Variants in CCNI observed in about 807,000 individuals in gnomAD.
CCNI encodes the protein cyclin I, also known as cyclin-I.
A neutral mutation model predicts 34.1 loss-of-function variants in CCNI; 14 were observed. The ratio of observed to expected loss-of-function variants is 0.41; its 90% CI spans 0.27 to 0.64. The LOEUF is 0.64. Among genes scored for constraint, CCNI ranks in the 30% least tolerant of loss-of-function variants. The pLI is 0.31. For missense variants in CCNI, 385 were observed against 440.5 expected (o/e 0.87, Z 1.13); for synonymous variants, 154 against 158.4 (o/e 0.97, Z 0.21).
At chr4:77,059,539 T>A (rs1490784137) in intron 2 of CCNI, among the ~76,000 whole-genome samples, 1 of 151,994 alleles carries the variant, frequency 6.6e-6, no homozygotes, top group Non-Finnish European at 1.5e-5. Context: ...GATTTCCTGT[T>A]CAATATTTTT....
intron 1 of CCNI, among the ~76,000 whole-genome samples, chr4:77,067,948 C>A (rs1254421305): frequency 6.6e-6 from 1 of 151,720 alleles, no homozygotes; most frequent in Non-Finnish European, 1.5e-5. Context: ...GAGGTGGAGG[C>A]GGGCAGATCA....
rs903125353 is a variant in CCNI, at chr4:77,075,556, T to G, written c.-128A>C. The G allele has an allele frequency of 2.0e-6, 2 of 988,504 alleles. No individual in the cohort carries two copies. The highest frequency in any genetic ancestry group is 2.4e-6 in the Non-Finnish European group (2 of 830,718). 61.2% of individuals were successfully genotyped at this position (988,504 alleles called of 1,614,324 possible). ...GACGCGGGGTCATCCGGGGGCCCGT[T>G]ACCACCTCATTCTCATAGGCGCGCG... On this transcript the variant is annotated 5_prime_UTR_variant, in exon 1 of 7. It removes the in-frame stop codon of an upstream open reading frame in the 5' UTR. Transcript: ENST00000237654.
intron 3 of CCNI, among the ~76,000 whole-genome samples, chr4:77,056,766 T>G (rs922607046): frequency 3.3e-5 from 5 of 151,998 alleles, no homozygotes; most frequent in African/African-American, 1.2e-4. Context: ...TTTTTTTTTG[T>G]ATTTTTAGTA....
chr4:77,048,962 G>GTTTTTTTTT (rs538284505), intron 6 of CCNI, among the ~76,000 whole-genome samples: 28 of 47,654 alleles, frequency 5.9e-4, no homozygotes, highest in Non-Finnish European at 1.2e-3. Context: ...TCCAACGTCT[G>GTTTTTTTTT]TTTTTTTTTT....
intron 2 of CCNI, chr4:77,064,662 G>C (rs530655899): frequency 6.7e-6 from 1 of 149,672 alleles, no homozygotes; most frequent in East Asian, 2.0e-4. Flanking sequence ...GAAAAGGATC[G>C]AATTATAATT....
Position 77,047,404 on chromosome 4 carries a change from T to C in CCNI, c.*815A>G, listed in dbSNP as rs946485453. 3 of 152,206 alleles carry C rather than the reference T, an allele frequency of 2.0e-5. No individual in the cohort carries two copies. Among genetic ancestry groups the C allele is most frequent in the Non-Finnish European group, 2.9e-5 (2 of 68,038 alleles). 9.4% of individuals were successfully genotyped at this position (152,206 alleles called of 1,614,324 possible). On this transcript the variant is annotated 3_prime_UTR_variant, in exon 7 of 7. Coordinates refer to ENST00000237654, the MANE Select transcript of CCNI (RefSeq NM_006835.3). ...GCTGCCCCAACATCTAGACAGTCTCTCCTACTGATTATAAATGAGTGAAAA... is the reference window on the plus strand; with the variant it reads ...GCTGCCCCAACATCTAGACAGTCTCCCCTACTGATTATAAATGAGTGAAAA...
At chr4:77,062,361 G>C (rs1161219794) in intron 2 of CCNI, among the ~76,000 whole-genome samples, 1 of 152,176 alleles carries the variant, frequency 6.6e-6, no homozygotes, top group Non-Finnish European at 1.5e-5. Flanking sequence ...GAGCCCAGGA[G>C]TTTGAAACTA....
At chr4:77,066,113 CAGGG>C in intron 2 of CCNI, 132 bp downstream of exon 2, 3 of 695,906 alleles carry the variant, frequency 4.3e-6, no homozygotes, top group Non-Finnish European at 7.1e-6. Context: ...AAAAAAGAAA[CAGGG>C]AGAGTCTCTC....
intron 6 of CCNI, among the ~76,000 whole-genome samples, chr4:77,053,107 A>G (rs1448385358): frequency 3.3e-5 from 5 of 152,200 alleles, no homozygotes; most frequent in Admixed American, 3.3e-4. Context: ...GGAAAACGCT[A>G]TGTTGAGTGG....
At chr4:77,050,954 C>A (rs907106938) in intron 6 of CCNI, among the ~76,000 whole-genome samples, 1 of 152,044 alleles carries the variant, frequency 6.6e-6, no homozygotes, top group Non-Finnish European at 1.5e-5. Context: ...GTTCTAGGAT[C>A]CCCCAAAAGA....
chr4:77,055,520 T>C (rs1214057993), intron 5 of CCNI, 140 bp from the exon 6 acceptor site: 1 of 626,346 alleles, frequency 1.6e-6, no homozygotes, highest in Non-Finnish European at 2.8e-6. Context: ...TGGAGTGCAG[T>C]AGCATGATCT....
At position 77,066,338 on chromosome 4, in the gene CCNI, T is replaced by A. The variant is rs373733359; in HGVS notation, c.25A>T (p.Asn9Tyr). ...TCCAACAGGAAAGACAATCTCTGGT[T>A]TTCCAAAGGCCCTGGAAACTTCATG... MKFPGPLE[N>Y]QRLSFLLEKA... Residue 9 changes from asparagine (N) to tyrosine (Y), a missense_variant, in exon 2 of 7, where the codon AAC becomes TAC. Asn to Tyr is a moderately radical substitution (Grantham distance 143, BLOSUM62 -2). This residue lies in a region of CCNI where 135 missense variants were observed against 191.8 expected (regional missense o/e 0.70). Coordinates refer to ENST00000237654, the MANE Select transcript of CCNI (RefSeq NM_006835.3). 6.2e-7 allele frequency: 1 copy of A among 1,614,014 alleles called. No homozygotes were observed. The highest frequency in any genetic ancestry group is 1.7e-5 in the Admixed American group (1 of 60,022).
In CCNI at chr4:77,075,485, T is replaced by A. The variant is rs953227581; in HGVS notation, c.-57A>T. The stretch of plus-strand genomic sequence containing the variant: ...CCCGCCCCTCACCTTCTCCTCCTCT[T>A]CCTCCTCCTCCTCCTCCCCGGCAGA... On this transcript the variant is annotated 5_prime_UTR_variant, in exon 1 of 7. Transcript: ENST00000237654. The A allele has an allele frequency of 2.5e-6, 2 of 811,918 alleles. No individual in the cohort carries two copies. The highest frequency in any genetic ancestry group is 3.8e-5 in the African/African-American group (2 of 53,234). The allele number at this position is 811,918 out of a possible 1,614,324, so 50.3% of individuals were successfully genotyped here. A position where few individuals can be genotyped will look rare whatever the true frequency, so the allele number is the denominator to read the frequency against.
At position 77,055,376 on chromosome 4, in the gene CCNI, T is replaced by G. The variant is rs760622171; in HGVS notation, c.464A>C (p.His155Pro). ...ATPLDFLHIF[H>P]AIAVSTRPQL... Reference sequence around the variant, plus strand: ...AGGCCTAGTTGACACTGCAATGGCATGGAACTGAAAATCACAAGAACATCA... The same window carrying G: ...AGGCCTAGTTGACACTGCAATGGCAGGGAACTGAAAATCACAAGAACATCA... Residue 155 changes from histidine to proline, a missense_variant, in exon 6 of 7, where the codon CAT becomes CCT. Around this residue, in one of 2 missense-constraint regions of CCNI, gnomAD observed 135 missense variants for 191.8 expected, o/e 0.70. Coordinates refer to ENST00000237654, the MANE Select transcript of CCNI (RefSeq NM_006835.3). 2 of 1,605,212 alleles carry G rather than the reference T, an allele frequency of 1.2e-6. No individual in the cohort carries two copies. Among genetic ancestry groups the G allele is most frequent in the South Asian group, 2.2e-5 (2 of 90,656 alleles).
At chr4:77,069,095 G>A (rs1453810536) in intron 1 of CCNI, among the ~76,000 whole-genome samples, 1 of 152,176 alleles carries the variant, frequency 6.6e-6, no homozygotes, top group African/African-American at 2.4e-5. Flanking sequence ...ATGTCATAAA[G>A]CAGCTTTCTG....
At chr4:77,065,583 T>TA (rs1262984013) in intron 2 of CCNI, among the ~76,000 whole-genome samples, 1 of 152,234 alleles carries the variant, frequency 6.6e-6, no homozygotes, top group Non-Finnish European at 1.5e-5. Flanking sequence ...AGTAGGTTTT[T>TA]AGTTGACTAA....
intron 1 of CCNI, among the ~76,000 whole-genome samples, chr4:77,073,979 G>A (rs866183170): frequency 1.3e-5 from 2 of 149,178 alleles, no homozygotes; most frequent in Admixed American, 6.8e-5. Context: ...ACAATTTGAT[G>A]AAACTGTGGA....
chr4:77,056,504 A>AGG (rs1578238313), intron 3 of CCNI, 181 bp from the exon 4 acceptor site: 2 of 581,744 alleles, frequency 3.4e-6, no homozygotes, highest in East Asian at 5.6e-5. Context: ...TAAGAACAGG[A>AGG]AAGAAAGTTT....
chr4:77,056,530 A>G (rs1728243119), intron 3 of CCNI: 1 of 534,534 alleles, frequency 1.9e-6, no homozygotes, highest in African/African-American at 1.9e-5. Context: ...AAAGCTTTAG[A>G]GCAGTAATGA....
Sources: gnomAD v4.1 joint callset for allele counts (sites outside exome capture counted in the v4.1 genomes callset) on GRCh38, gnomAD v4.1.1 for gene constraint, gnomAD v4.1.1 regional missense constraint, MANE v1.5 for transcripts, NCBI Gene and HGNC (gene_info 2026-07-23, HGNC 2026-07-21) for gene names.